The following PRP4K variants were observed in gnomAD, a reference collection of about 807,000 sequenced individuals.
PRP4K encodes pre-mRNA processing factor kinase PRP4K.
the PRP4K span, chr6:4,049,150 C>G: frequency 6.9e-7 from 1 of 1,444,206 alleles, no homozygotes; most frequent in South Asian, 1.2e-5. Context: ...ATTGTAACAC[C>G]ATGCAAAAGC....
chr6:4,021,629 C>A, the PRP4K span, among the ~76,000 whole-genome samples: 1 of 152,136 alleles, frequency 6.6e-6, no homozygotes, highest in Non-Finnish European at 1.5e-5. Context: ...AGGCGGCCTT[C>A]GAGCTTCCTT....
the PRP4K span, chr6:4,032,665 C>G: frequency 1.9e-6 from 3 of 1,613,820 alleles, no homozygotes; most frequent in Non-Finnish European, 2.5e-6. Flanking sequence ...AAATCCCCCT[C>G]GCGGACACTG....
chr6:4,055,067 C>A, the PRP4K span, among the ~76,000 whole-genome samples: 1 of 152,066 alleles, frequency 6.6e-6, no homozygotes, highest in Non-Finnish European at 1.5e-5. Flanking sequence ...AATGAAAATC[C>A]AAAGCCTTTA....
At chr6:4,060,523 G>C in the PRP4K span, 1 of 1,613,908 alleles carries the variant, frequency 6.2e-7, no homozygotes. The surrounding 1 kb of genome is among the most constrained non-coding windows in gnomAD (Gnocchi z 4.7). Context: ...ACCAGCTAAA[G>C]GACTTGTTGG....
At chr6:4,047,682 A>G in the PRP4K span, among the ~76,000 whole-genome samples, 1 of 152,216 alleles carries the variant, frequency 6.6e-6, no homozygotes, top group Non-Finnish European at 1.5e-5. Flanking sequence ...TATAAGGAGT[A>G]GATTAAGAAA....
At chr6:4,038,819 A>T in the PRP4K span, among the ~76,000 whole-genome samples, 2 of 151,502 alleles carry the variant, frequency 1.3e-5, no homozygotes, top group African/African-American at 4.9e-5. Context: ...GAAATTTATT[A>T]TGTGCCTCGG....
the PRP4K span, among the ~76,000 whole-genome samples, chr6:4,053,216 G>A: frequency 6.6e-6 from 1 of 151,554 alleles, no homozygotes; most frequent in African/African-American, 2.4e-5. Flanking sequence ...AATAAGGAGT[G>A]TCCGTACTCT....
chr6:4,031,706 AGAC>A, the PRP4K span: 4 of 1,602,666 alleles, frequency 2.5e-6, no homozygotes, highest in East Asian at 6.7e-5. Flanking sequence ...CCTCAGAAGA[AGAC>A]AAGGATAAAA....
chr6:4,060,729 C>A, the PRP4K span: 1 of 976,590 alleles, frequency 1.0e-6, no homozygotes. This position sits in a 1 kb window ranked among gnomAD's most constrained non-coding sequence, Gnocchi z 4.7. Context: ...TTTGAGGAAG[C>A]ATGATATATT....
At chr6:4,058,745 G>A in the PRP4K span, 1 of 1,613,094 alleles carries the variant, frequency 6.2e-7, no homozygotes, top group Non-Finnish European at 8.5e-7. Context: ...GAAAAGGTGT[G>A]TTCAAAGATC....
At chr6:4,021,578 T>C in the PRP4K span, 1 of 1,454,376 alleles carries the variant, frequency 6.9e-7, no homozygotes, top group Non-Finnish European at 9.4e-7. Flanking sequence ...AACTTTGCTT[T>C]TTCCGGCGCG....
chr6:4,057,418 A>G, the PRP4K span, among the ~76,000 whole-genome samples: 1 of 152,244 alleles, frequency 6.6e-6, no homozygotes, highest in East Asian at 1.9e-4. Flanking sequence ...GAGAGCAGCA[A>G]TATTTTGGGG....
chr6:4,050,446 A>G, the PRP4K span: 1 of 372,890 alleles, frequency 2.7e-6, no homozygotes, highest in Non-Finnish European at 4.8e-6. Flanking sequence ...ACCAATAACA[A>G]CTTAAACTCC....
the PRP4K span, among the ~76,000 whole-genome samples, chr6:4,030,644 CTTTA>C: frequency 2.1e-4 from 32 of 152,168 alleles, no homozygotes; most frequent in African/African-American, 5.1e-4. Flanking sequence ...GAATCCCCCA[CTTTA>C]TTTATTTATT....
At chr6:4,056,380 G>A in the PRP4K span, 22 of 1,613,860 alleles carry the variant, frequency 1.4e-5, no homozygotes, top group Admixed American at 1.7e-5. Flanking sequence ...CACATGTTGC[G>A]GATAATGACA....
chr6:4,032,788 C>T, the PRP4K span: 9 of 1,507,898 alleles, frequency 6.0e-6, no homozygotes, highest in East Asian at 4.7e-5. Context: ...AAGCTTTTTA[C>T]CAGTGCATGA....
chr6:4,057,841 G>T, the PRP4K span, among the ~76,000 whole-genome samples: 1,747 of 143,280 alleles, frequency 0.012, 20 homozygotes, highest in Non-Finnish European at 0.018. Context: ...TGCAAGCTCT[G>T]CCTCCCGGGT....
the PRP4K span, chr6:4,031,998 A>G: frequency 6.2e-7 from 1 of 1,613,832 alleles, no homozygotes; most frequent in African/African-American, 1.3e-5. Flanking sequence ...AAATAGGTCT[A>G]GTACTAGATC....
chr6:4,057,760 T>C, the PRP4K span, among the ~76,000 whole-genome samples: 1 of 145,970 alleles, frequency 6.9e-6, no homozygotes, highest in African/African-American at 2.5e-5. Flanking sequence ...GCTTTTTTTT[T>C]TTTTTTTTTT....
Sources: allele counts gnomAD v4.1 joint callset (sites outside exome capture counted in the v4.1 genomes callset), GRCh38; gene constraint gnomAD v4.1.1; non-coding constraint Gnocchi (gnomAD v3.1); transcripts MANE v1.5; gene names NCBI Gene and HGNC (gene_info 2026-07-23, HGNC 2026-07-21).